Variants in FER1L5 observed in about 807,000 individuals in gnomAD.
FER1L5 encodes fer-1-like protein 5.
A neutral mutation model predicts 279.9 loss-of-function variants in FER1L5; 187 were observed. That is an observed-to-expected ratio of 0.67 (90% CI 0.59 to 0.75). The LOEUF (loss-of-function observed/expected upper bound fraction) is 0.75, where lower values mean the gene tolerates loss of function less well. FER1L5 is among the 30% of genes least tolerant of loss of function. FER1L5 has a pLI of 0.00. For missense variants in FER1L5, 2,091 were observed against 2,594.4 expected (o/e 0.81, Z 4.21); for synonymous variants, 921 against 989.7 (o/e 0.93, Z 1.30).
At chr2:96,659,408 T>TCCTTCCTTC (rs1460200004) in intron 9 of FER1L5, among the ~76,000 whole-genome samples, 15 of 5,476 alleles carry the variant, frequency 2.7e-3, no homozygotes, top group Non-Finnish European at 4.3e-3. Context: ...TTTCTTTCTT[T>TCCTTCCTTC]CTTTCTTTCT....
intron 9 of FER1L5, among the ~76,000 whole-genome samples, chr2:96,659,290 T>TTTCCTTCCCTCCTTCCTTCC (rs2075735097): frequency 1.2e-5 from 1 of 80,942 alleles, no homozygotes; most frequent in South Asian, 3.0e-4. Context: ...TTTATCAAGC[T>TTTCCTTCCCTCCTTCCTTCC]TTCCTTCCTT....
At position 96,691,044 on chromosome 2, in the gene FER1L5, A is replaced by T. The variant is rs2077121545; in HGVS notation, c.2744-146A>T. ...CCAGGCCACTCAGGTGACACAGTGT[A>T]GCCACACTCTCCTTTCCACACCTCA... On this transcript the variant is annotated intron_variant, in intron 27 of 52. Transcript: ENST00000624922. The surrounding 1 kb of genome is among the most constrained non-coding windows in gnomAD (Gnocchi z 6.0). The T allele has an allele frequency of 1.9e-6, 2 of 1,063,786 alleles. No individual in the cohort carries two copies. The highest frequency in any genetic ancestry group is 2.6e-6 in the Non-Finnish European group (2 of 760,376). 65.9% of individuals were successfully genotyped at this position (1,063,786 alleles called of 1,614,324 possible).
chr2:96,685,465 G>A (rs780977320), intron 21 of FER1L5, 36 bp downstream of exon 21: 61 of 1,523,752 alleles, frequency 4.0e-5, no homozygotes, highest in Non-Finnish European at 5.4e-5. Context: ...CAGCTGGCCT[G>A]GAGCTGAGCC....
chr2:96,672,950 G>A, intron 18 of FER1L5, 127 bp from the exon 19 acceptor site: 1 of 1,208,344 alleles, frequency 8.3e-7, no homozygotes, highest in Non-Finnish European at 1.1e-6. Context: ...GCCTCTGAAG[G>A]CCTTTGAGAG....
Position 96,698,501 on chromosome 2 carries a change from C to G in FER1L5, c.4357-170C>G, listed in dbSNP as rs903836604. Among the ~76,000 whole-genome samples, 13 of 152,152 alleles carry G rather than the reference C, an allele frequency of 8.5e-5. No individual in the cohort carries two copies. The highest frequency in any genetic ancestry group is 8.8e-5 in the Non-Finnish European group (6 of 68,018). The stretch of plus-strand genomic sequence containing the variant: ...CAACACCCTGTTTCAACATAGTGGG[C>G]CCTGCTGAACACCTTCTGTACCTGC... On this transcript the variant is annotated intron_variant, in intron 40 of 52. Transcript: ENST00000624922. This position sits in a 1 kb window ranked among gnomAD's most constrained non-coding sequence, Gnocchi z 5.5.
intron 2 of FER1L5, among the ~76,000 whole-genome samples, 160 bp downstream of exon 2, chr2:96,646,613 A>G (rs1433616356): frequency 6.6e-6 from 1 of 152,042 alleles, no homozygotes; most frequent in Non-Finnish European, 1.5e-5. Flanking sequence ...GCAGCCTCTG[A>G]CCCGACAAGG....
chr2:96,649,584 C>G, intron 4 of FER1L5, 39 bp from the exon 5 acceptor site: 1 of 1,547,900 alleles, frequency 6.5e-7, no homozygotes, highest in Non-Finnish European at 8.7e-7. Context: ...CCAAGGATGG[C>G]AGGGTCTGGC....
rs2077152590 is a variant in FER1L5, at chr2:96,691,654, C to T, written c.3075+42C>T. The T allele has an allele frequency of 3.3e-6, 5 of 1,508,242 alleles. No individual in the cohort carries two copies. The highest frequency in any genetic ancestry group is 2.2e-5 in the Admixed American group (1 of 45,586). The allele number at this position is 1,508,242 out of a possible 1,614,324, so 93.4% of individuals were successfully genotyped here. On this transcript the variant is annotated intron_variant, in intron 29 of 52. Coordinates refer to ENST00000624922, the MANE Select transcript of FER1L5 (RefSeq NM_001293083.2). The surrounding 1 kb of genome is among the most constrained non-coding windows in gnomAD (Gnocchi z 6.0). Reference sequence around the variant, plus strand: ...TGGGTGATGCCTGCCTGTAACCCCACCTCCCAGAGAAGCCAGGGCCTGGCC... The same window carrying T: ...TGGGTGATGCCTGCCTGTAACCCCATCTCCCAGAGAAGCCAGGGCCTGGCC...
intron 19 of FER1L5, among the ~76,000 whole-genome samples, chr2:96,677,174 T>A (rs2076541663): frequency 6.6e-6 from 1 of 152,258 alleles, no homozygotes; most frequent in Non-Finnish European, 1.5e-5. Context: ...ATTGGCTTGC[T>A]AATATTTTGT....
intron 17 of FER1L5, among the ~76,000 whole-genome samples, chr2:96,669,351 A>AG (rs1427709628): frequency 6.6e-6 from 1 of 152,164 alleles, no homozygotes; most frequent in Non-Finnish European, 1.5e-5. Context: ...GCTTTCCCTG[A>AG]GGAAGGGGCT....
At position 96,642,782 on chromosome 2, in the gene FER1L5, A is replaced by T; in HGVS notation, c.-55A>T. The T allele has an allele frequency of 3.3e-6, 5 of 1,525,164 alleles. No individual in the cohort carries two copies. Among genetic ancestry groups the T allele is most frequent in the Non-Finnish European group, 4.4e-6 (5 of 1,129,334 alleles). The allele number at this position is 1,525,164 out of a possible 1,614,324, so 94.5% of individuals were successfully genotyped here. A position where few individuals can be genotyped will look rare whatever the true frequency, so the allele number is the denominator to read the frequency against. On this transcript the variant is annotated 5_prime_UTR_variant, in exon 1 of 53. Coordinates refer to ENST00000624922, the MANE Select transcript of FER1L5 (RefSeq NM_001293083.2). ...GAAAAGTCTTGGACTGAGGAGCTCCAAAAAGGAAGCTGTGGCGCTGCGTAG... is the reference window on the plus strand; with the variant it reads ...GAAAAGTCTTGGACTGAGGAGCTCCTAAAAGGAAGCTGTGGCGCTGCGTAG...
Position 96,689,459 on chromosome 2 carries a change from C to T in FER1L5, c.2525+83C>T, listed in dbSNP as rs2077057799. On this transcript the variant is annotated intron_variant, in intron 25 of 52. Coordinates refer to ENST00000624922, the MANE Select transcript of FER1L5 (RefSeq NM_001293083.2). This position sits in a 1 kb window ranked among gnomAD's most constrained non-coding sequence, Gnocchi z 4.6. ...CCGCGGCAGCCCAGAAAGATGGGTA[C>T]CTAGCCCCTAAGCCTGGTGCCAGAG... 6.6e-7 allele frequency: 1 copy of T among 1,526,056 alleles called. No homozygotes were observed. The highest frequency in any genetic ancestry group is 8.8e-7 in the Non-Finnish European group (1 of 1,134,522). 94.5% of individuals were successfully genotyped at this position (1,526,056 alleles called of 1,614,324 possible).
Position 96,669,031 on chromosome 2 carries a change from C to T in FER1L5, c.1268-12C>T. 6.4e-7 allele frequency: 1 copy of T among 1,551,714 alleles called. No individual in the cohort carries two copies. The highest frequency in any genetic ancestry group is 1.2e-5 in the South Asian group (1 of 84,062). On this transcript the variant is annotated splice_polypyrimidine_tract_variant and intron_variant, in intron 16 of 52. Coordinates refer to ENST00000624922, the MANE Select transcript of FER1L5 (RefSeq NM_001293083.2). ...TCCTGCGCCCGACCCTTCTCACTCT[C>T]TCTCCTTCCAGGAGTGTACTCCGGC...
intron 4 of FER1L5, among the ~76,000 whole-genome samples, chr2:96,648,897 A>C (rs1048981824): frequency 2.2e-4 from 33 of 152,252 alleles, no homozygotes; most frequent in Admixed American, 1.7e-3. Context: ...GTCAAGGCAC[A>C]TTCAGTCTGT....
chr2:96,696,802 G>T (rs889049746), intron 37 of FER1L5, among the ~76,000 whole-genome samples: 2 of 152,134 alleles, frequency 1.3e-5, no homozygotes, highest in Admixed American at 6.5e-5. Context: ...CTACTATGGA[G>T]GCTGAGGCAC....
chr2:96,703,550 C>G lies in FER1L5; in HGVS notation c.5719C>G (p.Leu1907Val), dbSNP rs1406261577. The change falls in exon 51 of 53, where the codon CTG becomes GTG. Residue 1907 changes from leucine (L) to valine (V), a missense_variant. Leu to Val is a conservative substitution (Grantham distance 32). Transcript: ENST00000624922. ...CAAGGTGAAGATGAGCCTGGAGATT[C>G]TGTCAGAGAAGGAAGCCTTAATCAA... ...SGKVKMSLEI[L>V]SEKEALIKPA... 6.2e-7 allele frequency: 1 copy of G among 1,613,982 alleles called. No homozygotes were observed. The highest frequency in any genetic ancestry group is 2.2e-5 in the East Asian group (1 of 44,878).
At chr2:96,670,815 C>A (rs1370367027) in intron 18 of FER1L5, among the ~76,000 whole-genome samples, 1 of 150,750 alleles carries the variant, frequency 6.6e-6, no homozygotes, top group Non-Finnish European at 1.5e-5. Flanking sequence ...AATAAAATGC[C>A]TAATCTGTGC....
intron 9 of FER1L5, among the ~76,000 whole-genome samples, chr2:96,656,352 C>T (rs1003774152): frequency 1.3e-5 from 2 of 152,186 alleles, no homozygotes; most frequent in Non-Finnish European, 2.9e-5. Context: ...AATAAGGATT[C>T]CAGGCTGGGA....
intron 1 of FER1L5, among the ~76,000 whole-genome samples, chr2:96,644,232 G>A (rs1436252583): frequency 1.3e-5 from 2 of 150,738 alleles, no homozygotes; most frequent in South Asian, 4.2e-4. Flanking sequence ...TAATCCCAGC[G>A]CTTTGGGAGG....
Sources: allele counts gnomAD v4.1 joint callset (sites outside exome capture counted in the v4.1 genomes callset), GRCh38; gene constraint gnomAD v4.1.1; non-coding constraint Gnocchi (gnomAD v3.1); transcripts MANE v1.5; gene names NCBI Gene and HGNC (gene_info 2026-07-23, HGNC 2026-07-21).